Variants in LINGO2 observed in about 807,000 individuals in gnomAD.
LINGO2 encodes the protein leucine-rich repeat and immunoglobulin-like domain-containing nogo receptor-interacting protein 2.
A neutral mutation model predicts 30.6 loss-of-function variants in LINGO2; 14 were observed. That is an observed-to-expected ratio of 0.46 (90% CI 0.30 to 0.72). LINGO2 has a LOEUF of 0.72. Among genes scored for constraint, LINGO2 ranks in the 30% least tolerant of loss-of-function variants. The pLI is 0.07. For missense variants in LINGO2, 729 were observed against 751.7 expected (o/e 0.97, Z 0.35); for synonymous variants, 317 against 288.5 (o/e 1.10, Z -1.00).
the LINGO2 span, among the ~76,000 whole-genome samples, chr9:28,842,956 G>T: frequency 6.6e-6 from 1 of 151,792 alleles, no homozygotes; most frequent in Admixed American, 6.6e-5. Flanking sequence ...GTGACAATTA[G>T]AAGACAGAAA....
chr9:27,999,826 C>T (rs573874659), intron 5 of LINGO2, among the ~76,000 whole-genome samples: 1 of 152,016 alleles, frequency 6.6e-6, no homozygotes, highest in Non-Finnish European at 1.5e-5. Context: ...TAATAAAAAT[C>T]GTACATGTAT....
At chr9:28,807,498 GA>G in the LINGO2 span, among the ~76,000 whole-genome samples, 3 of 152,144 alleles carry the variant, frequency 2.0e-5, no homozygotes. Context: ...GCCTCTTGGA[GA>G]GCATCTGGTC....
chr9:28,362,480 C>CT (rs1273383069), intron 3 of LINGO2, among the ~76,000 whole-genome samples: 2 of 140,878 alleles, frequency 1.4e-5, no homozygotes, highest in Non-Finnish European at 3.1e-5. Context: ...TTTTTTTTTT[C>CT]TTTTTTTGAG....
chr9:28,422,793 A>T (rs1386199186), intron 2 of LINGO2, among the ~76,000 whole-genome samples: 1 of 152,124 alleles, frequency 6.6e-6, no homozygotes, highest in Non-Finnish European at 1.5e-5. Context: ...GTAGATGAAT[A>T]CATTAATAAA....
rs117535599 is a variant in LINGO2, at chr9:28,237,698, C to T, written c.-87+57510G>A. Among the ~76,000 whole-genome samples the T allele has an allele frequency of 6.8e-3, 1,032 of 151,916 alleles. 7 individuals carry two copies. Among genetic ancestry groups the T allele is most frequent in the Non-Finnish European group, 0.011 (768 of 67,916 alleles). On this transcript the variant is annotated intron_variant, in intron 4 of 5. Coordinates refer to ENST00000379992, the Ensembl canonical transcript of LINGO2. Reference sequence around the variant, plus strand: ...CAAAACCCCAGCTCTACTAAAAATACAGAAAAATTAGCCGGGCATGGTGGC... The same window carrying T: ...CAAAACCCCAGCTCTACTAAAAATATAGAAAAATTAGCCGGGCATGGTGGC...
intron 5 of LINGO2, among the ~76,000 whole-genome samples, chr9:27,959,387 G>A (rs910094139): frequency 6.6e-6 from 1 of 151,904 alleles, no homozygotes; most frequent in Non-Finnish European, 1.5e-5. Flanking sequence ...CTGACTTAAG[G>A]TATAAAAACT....
chr9:28,702,124 T>G, the LINGO2 span, among the ~76,000 whole-genome samples: 1 of 151,894 alleles, frequency 6.6e-6, no homozygotes, highest in South Asian at 2.1e-4. Context: ...CTTTCTCATC[T>G]TGTTGTATTA....
chr9:28,617,348 T>A (rs1452641261), intron 1 of LINGO2, among the ~76,000 whole-genome samples: 1 of 151,336 alleles, frequency 6.6e-6, no homozygotes, highest in African/African-American at 2.4e-5. Flanking sequence ...CAGGCTGGAG[T>A]GCAGTGGCGC....
intron 5 of LINGO2, among the ~76,000 whole-genome samples, chr9:27,988,633 T>C (rs1037701710): frequency 6.6e-6 from 1 of 152,034 alleles, no homozygotes; most frequent in Non-Finnish European, 1.5e-5. Flanking sequence ...GTCGGCTGCA[T>C]AAATGTCTTC....
the LINGO2 span, among the ~76,000 whole-genome samples, chr9:29,129,606 G>A: frequency 3.9e-5 from 6 of 152,070 alleles, no homozygotes; most frequent in African/African-American, 1.4e-4. Flanking sequence ...ACATGGTTCT[G>A]TATTTGAAAT....
intron 3 of LINGO2, among the ~76,000 whole-genome samples, chr9:28,300,121 T>C (rs1235911360): frequency 1.2e-5 from 1 of 80,272 alleles, no homozygotes; most frequent in African/African-American, 4.9e-5. Flanking sequence ...CTCATTTTTC[T>C]AATGGAAAAA....
At chr9:28,422,956 T>G (rs991342520) in intron 2 of LINGO2, among the ~76,000 whole-genome samples, 1 of 152,074 alleles carries the variant, frequency 6.6e-6, no homozygotes, top group East Asian at 1.9e-4. Context: ...TTCCACTTAT[T>G]ATCAGGTACC....
At chr9:28,907,371 G>C in the LINGO2 span, among the ~76,000 whole-genome samples, 1 of 151,922 alleles carries the variant, frequency 6.6e-6, no homozygotes, top group African/African-American at 2.4e-5. Flanking sequence ...GCACAAAAGA[G>C]AAAGTAGAGT....
At chr9:28,105,995 C>T (rs1214982821) in intron 4 of LINGO2, among the ~76,000 whole-genome samples, 2 of 152,186 alleles carry the variant, frequency 1.3e-5, no homozygotes, top group African/African-American at 4.8e-5. Context: ...CAAGCATTAC[C>T]AACAGAGCTC....
chr9:29,128,264 G>GGGAT, the LINGO2 span, among the ~76,000 whole-genome samples: 141 of 152,112 alleles, frequency 9.3e-4, 1 homozygote, highest in Non-Finnish European at 6.5e-4. Context: ...ATCTCCAAAG[G>GGGAT]GGATGCCCTA....
At chr9:29,001,982 G>C in the LINGO2 span, among the ~76,000 whole-genome samples, 8 of 151,854 alleles carry the variant, frequency 5.3e-5, no homozygotes, top group African/African-American at 1.7e-4. Context: ...TTCCACACAG[G>C]TATTAAAATT....
rs1820721737 is a variant in LINGO2 at position 27,978,729 on chromosome 9, T to C, written c.-35-28023A>G. Among the ~76,000 whole-genome samples the C allele has an allele frequency of 2.6e-5, 4 of 151,994 alleles. No homozygotes were observed. In the South Asian group the frequency reaches 8.3e-4, roughly 31 times the overall value. Reference sequence around the variant, plus strand: ...AAGACAGGTCTCTTCTAGACCAATCTATACTTGCCTTTAATATAGAATCCA... The same window carrying C: ...AAGACAGGTCTCTTCTAGACCAATCCATACTTGCCTTTAATATAGAATCCA... On this transcript the variant is annotated intron_variant, in intron 5 of 5. Coordinates refer to ENST00000379992, the Ensembl canonical transcript of LINGO2.
the LINGO2 span, among the ~76,000 whole-genome samples, chr9:29,152,064 T>A: frequency 2.6e-5 from 4 of 152,108 alleles, no homozygotes; most frequent in Non-Finnish European, 4.4e-5. Context: ...TATGAAAACA[T>A]GCTCAACATT....
chr9:28,690,050 A>G, the LINGO2 span, among the ~76,000 whole-genome samples: 1 of 152,124 alleles, frequency 6.6e-6, no homozygotes, highest in Non-Finnish European at 1.5e-5. Context: ...GAGAGGGAAC[A>G]ACACACAATA....
Sources: gnomAD v4.1 joint callset for allele counts (sites outside exome capture counted in the v4.1 genomes callset) on GRCh38, gnomAD v4.1.1 for gene constraint, MANE v1.5 for transcripts, NCBI Gene and HGNC (gene_info 2026-07-23, HGNC 2026-07-21) for gene names.